The following MPP7 variants were observed in gnomAD, a reference collection of about 807,000 sequenced individuals.
MPP7 encodes MAGUK p55 subfamily member 7.
MPP7 carries 60 observed loss-of-function variants against 76.5 expected under a neutral mutation model. The ratio of observed to expected loss-of-function variants is 0.78; its 90% CI spans 0.64 to 0.97. MPP7 has a LOEUF of 0.97. Ranked by LOEUF, MPP7 falls within the 50% of genes least tolerant of loss-of-function variation. The probability of loss-of-function intolerance (pLI) is 0.00; values close to 1 mark genes in which losing one functional copy is unlikely to be tolerated. For synonymous variants in MPP7, 237 were observed against 244.5 expected (o/e 0.97, Z 0.29); for missense variants, 641 against 694.0 (o/e 0.92, Z 0.86).
intron 12 of MPP7, among the ~76,000 whole-genome samples, chr10:28,079,787 A>T (rs1348885798): frequency 6.6e-6 from 1 of 152,168 alleles, no homozygotes; most frequent in African/African-American, 2.4e-5. Flanking sequence ...TTGTGAAAAT[A>T]ATTACTGAAA....
At chr10:28,092,360 G>T (rs1588755379) in intron 11 of MPP7, among the ~76,000 whole-genome samples, 1 of 152,142 alleles carries the variant, frequency 6.6e-6, no homozygotes, top group Non-Finnish European at 1.5e-5. Flanking sequence ...AAACACATGG[G>T]TGTCTTATAA....
intron 1 of MPP7, among the ~76,000 whole-genome samples, chr10:28,256,114 T>C (rs1839776971): frequency 6.6e-6 from 1 of 152,022 alleles, no homozygotes; most frequent in Admixed American, 6.6e-5. Flanking sequence ...AAAGGGAAAT[T>C]TTGGAATATG....
intron 14 of MPP7, 175 bp downstream of exon 14, chr10:28,059,475 T>C: frequency 2.0e-6 from 1 of 511,164 alleles, no homozygotes; most frequent in East Asian, 3.3e-5. Flanking sequence ...ACTAAAAAAT[T>C]AGAGGTGAAG....
chr10:28,324,019 C>T (rs928899826), intron 2 of MPP7, among the ~76,000 whole-genome samples: 3 of 152,140 alleles, frequency 2.0e-5, no homozygotes, highest in Non-Finnish European at 4.4e-5. Context: ...CTATATTCAC[C>T]TCTTCAGTTA....
At chr10:28,229,637 C>T (rs1468231832) in intron 2 of MPP7, among the ~76,000 whole-genome samples, 1 of 152,032 alleles carries the variant, frequency 6.6e-6, no homozygotes, top group Non-Finnish European at 1.5e-5. Flanking sequence ...TGCCTGTAAT[C>T]CCAGCACTTT....
intron 3 of MPP7, among the ~76,000 whole-genome samples, chr10:28,200,231 G>T (rs569645189): frequency 1.1e-4 from 17 of 152,260 alleles, no homozygotes; most frequent in East Asian, 3.9e-4. Flanking sequence ...ACTTGAAAAC[G>T]AATAGAATGG....
rs1408930103 is a variant in MPP7, at chr10:28,131,614, G to A, written c.393C>T (p.Asp131=). The change falls in exon 6 of 17, where the codon GAC becomes GAT. Residue 131 remains aspartate, a synonymous_variant. Transcript: ENST00000683449. ...TTATTTTTACTGAGTCTTCCTCATC[G>A]TCAATATCTTCAGGCATAGGAGGCA... is the stretch of plus-strand genomic sequence containing the variant. ...PVLPPMPEDI[D]DEEDSVKIIR... is the part of the protein sequence containing the mutation. 12 of 1,606,000 alleles carry A rather than the reference G, an allele frequency of 7.5e-6. No individual in the cohort carries two copies. The highest frequency in any genetic ancestry group is 1.3e-5 in the African/African-American group (1 of 74,610).
intron 3 of MPP7, among the ~76,000 whole-genome samples, chr10:28,163,917 A>AG (rs1307872257): frequency 6.6e-6 from 1 of 151,544 alleles, no homozygotes; most frequent in East Asian, 1.9e-4. Context: ...CCATCTCAAA[A>AG]AAAAAAAAAA....
intron 11 of MPP7, among the ~76,000 whole-genome samples, chr10:28,101,663 T>C (rs1474121986): frequency 1.3e-5 from 2 of 152,112 alleles, no homozygotes; most frequent in African/African-American, 4.8e-5. Context: ...GAAAGTATGT[T>C]AGAAAAGAGA....
At chr10:28,098,275 A>T (rs34032213) in intron 11 of MPP7, among the ~76,000 whole-genome samples, 10,077 of 152,016 alleles carry the variant, frequency 0.066, 529 homozygotes, top group African/African-American at 0.14. Context: ...AAATTATAAA[A>T]CTACATAGTA....
intron 12 of MPP7, among the ~76,000 whole-genome samples, chr10:28,084,084 T>C (rs1852892552): frequency 6.6e-6 from 1 of 152,170 alleles, no homozygotes; most frequent in South Asian, 2.1e-4. Context: ...GACTAAAGGC[T>C]AATAATCATA....
intron 12 of MPP7, among the ~76,000 whole-genome samples, chr10:28,084,011 G>A (rs891701797): frequency 6.6e-6 from 1 of 152,108 alleles, no homozygotes; most frequent in African/African-American, 2.4e-5. Flanking sequence ...CTCCAAAATA[G>A]GAAAAGAACG....
chr10:28,188,176 C>T (rs1465668461), intron 3 of MPP7, among the ~76,000 whole-genome samples: 1 of 151,970 alleles, frequency 6.6e-6, no homozygotes, highest in Non-Finnish European at 1.5e-5. Context: ...AAATAAACTC[C>T]CACCAAGTGT....
intron 1 of MPP7, among the ~76,000 whole-genome samples, chr10:28,274,307 G>C (rs928240750): frequency 2.0e-5 from 3 of 150,980 alleles, no homozygotes; most frequent in Non-Finnish European, 4.4e-5. Flanking sequence ...TTTCACCGGA[G>C]CCAGGATGGT....
chr10:28,287,986 T>C (rs1481040368), intron 1 of MPP7, among the ~76,000 whole-genome samples: 1 of 152,190 alleles, frequency 6.6e-6, no homozygotes, highest in Non-Finnish European at 1.5e-5. Context: ...GAAAAGACTA[T>C]TAAAACACGC....
intron 12 of MPP7, among the ~76,000 whole-genome samples, chr10:28,074,211 T>A (rs769137155): frequency 7.9e-5 from 12 of 152,026 alleles, no homozygotes; most frequent in Admixed American, 2.0e-4. Flanking sequence ...TCAGAAAACA[T>A]AGAGGCCAAC....
intron 1 of MPP7, among the ~76,000 whole-genome samples, chr10:28,300,166 T>C (rs963096251): frequency 6.6e-6 from 1 of 152,064 alleles, no homozygotes; most frequent in Non-Finnish European, 1.5e-5. Context: ...GAAATGTTTA[T>C]AACAAGGAAA....
At chr10:28,089,573 A>AT in intron 12 of MPP7, 98 bp downstream of exon 12, 2 of 1,163,074 alleles carry the variant, frequency 1.7e-6, no homozygotes, top group Non-Finnish European at 2.4e-6. Context: ...AGGGGAGGAG[A>AT]TTTTTAGCTT....
intron 3 of MPP7, among the ~76,000 whole-genome samples, chr10:28,164,778 T>A (rs1174051051): frequency 6.6e-6 from 1 of 152,084 alleles, no homozygotes; most frequent in African/African-American, 2.4e-5. Flanking sequence ...AGATTGGACA[T>A]CTTTGTAAGA....
Sources: allele counts gnomAD v4.1 joint callset (sites outside exome capture counted in the v4.1 genomes callset), GRCh38; gene constraint gnomAD v4.1.1; transcripts MANE v1.5; gene names NCBI Gene and HGNC (gene_info 2026-07-23, HGNC 2026-07-21).